HLCS: variants seen among roughly 807,000 people sequenced by gnomAD.
HLCS encodes the protein holocarboxylase synthetase.
Under a neutral mutation model 75.0 loss-of-function variants are expected in HLCS, and 53 were observed. The ratio of observed to expected loss-of-function variants is 0.71; its 90% CI spans 0.57 to 0.89. The LOEUF (loss-of-function observed/expected upper bound fraction) is 0.89, where lower values mean the gene tolerates loss of function less well. Among genes scored for constraint, HLCS ranks in the 40% least tolerant of loss-of-function variants. The pLI is 0.00. For missense variants in HLCS, 966 were observed against 1,074.0 expected (o/e 0.90, Z 1.41); for synonymous variants, 431 against 428.6 (o/e 1.01, Z -0.07).
In HLCS at chr21:36,777,121, T is replaced by C. The variant is rs1013710171; in HGVS notation, c.1893-9836A>G. On this transcript the variant is annotated intron_variant, in intron 6 of 10. Transcript: ENST00000674895. Reference sequence around the variant, plus strand: ...CCACAGCTCACTGCTTCTGTTAGGGTTCGTGCTTTGTGCTGTACATTCTGT... The same window carrying C: ...CCACAGCTCACTGCTTCTGTTAGGGCTCGTGCTTTGTGCTGTACATTCTGT... Among the ~76,000 whole-genome samples, 4 of 152,304 alleles carry C rather than the reference T, an allele frequency of 2.6e-5. No homozygotes were observed. In the South Asian group the frequency reaches 6.2e-4, roughly 24 times the overall value.
At chr21:36,876,351 G>A (rs182007233) in intron 6 of HLCS, among the ~76,000 whole-genome samples, 11 of 152,260 alleles carry the variant, frequency 7.2e-5, no homozygotes, top group Non-Finnish European at 1.0e-4. Context: ...AATACCTGCC[G>A]TGATTTTGAT....
rs9984754 is a variant in HLCS at position 36,889,185 on chromosome 21, C to T, written c.1892+7675G>A. On this transcript the variant is annotated intron_variant, in intron 6 of 10. Coordinates refer to ENST00000674895, the MANE Select transcript of HLCS (RefSeq NM_001352514.2). ...AGCCTGAAACATCAAGGGACTCAAA[C>T]GGTGACAAATGAGAAATCAGCTTAT... 6.1e-3 allele frequency among the ~76,000 whole-genome samples: 924 copies of T among 152,276 alleles called. 6 individuals carry two copies. Among genetic ancestry groups the T allele is most frequent in the African/African-American group, 0.012 (509 of 41,554 alleles).
intron 2 of HLCS, among the ~76,000 whole-genome samples, chr21:36,957,208 T>G (rs955061379): frequency 1.3e-5 from 2 of 152,134 alleles, no homozygotes; most frequent in Non-Finnish European, 2.9e-5. Flanking sequence ...TCATGAATAG[T>G]GTGGTGCTGT....
At chr21:36,810,208 G>A (rs772603314) in intron 6 of HLCS, among the ~76,000 whole-genome samples, 38 of 152,212 alleles carry the variant, frequency 2.5e-4, no homozygotes, top group Admixed American at 7.9e-4. Flanking sequence ...TCCCAGATGT[G>A]AGGAAGGTTA....
At chr21:36,971,539 C>T (rs914720036), upstream of HLCS, among the ~76,000 whole-genome samples, 1 of 152,066 alleles carries the variant, frequency 6.6e-6, no homozygotes, top group Non-Finnish European at 1.5e-5. Flanking sequence ...ACCCAATTTT[C>T]AAGAGCCGGC....
chr21:36,787,490 G>C (rs1479565202), intron 6 of HLCS, among the ~76,000 whole-genome samples: 1 of 152,168 alleles, frequency 6.6e-6, no homozygotes, highest in Non-Finnish European at 1.5e-5. Flanking sequence ...ACTGCCCAGG[G>C]CCCCTAGGGA....
intron 6 of HLCS, among the ~76,000 whole-genome samples, chr21:36,859,638 C>T (rs2063317870): frequency 6.6e-6 from 1 of 152,236 alleles, no homozygotes; most frequent in African/African-American, 2.4e-5. Flanking sequence ...AGTGGCCTTG[C>T]TGCACAGAGC....
intron 6 of HLCS, among the ~76,000 whole-genome samples, chr21:36,852,575 G>A (rs953401681): frequency 6.6e-6 from 1 of 152,166 alleles, no homozygotes; most frequent in Admixed American, 6.5e-5. Flanking sequence ...CCAAATGAAA[G>A]CAGTAAGGAA....
intron 5 of HLCS, among the ~76,000 whole-genome samples, chr21:36,921,230 A>G (rs781146485): frequency 3.8e-4 from 58 of 152,196 alleles, no homozygotes; most frequent in Non-Finnish European, 5.6e-4. Flanking sequence ...GCGGATCACA[A>G]GGTCAGGAGT....
intron 6 of HLCS, among the ~76,000 whole-genome samples, chr21:36,786,778 G>C (rs957245446): frequency 2.0e-5 from 3 of 152,184 alleles, no homozygotes; most frequent in African/African-American, 7.2e-5. Flanking sequence ...TGACATATTA[G>C]CTATATGGGA....
At position 36,759,948 on chromosome 21, in the gene HLCS, G is replaced by A. The variant is rs74993434; in HGVS notation, c.2122-107C>T. The A allele has an allele frequency of 4.3e-3, 3,320 of 771,812 alleles. 72 individuals are homozygous for A. The African/African-American group carries it at 0.047, about 11-fold the overall frequency. 47.8% of individuals were successfully genotyped at this position (771,812 alleles called of 1,614,324 possible). A position where few individuals can be genotyped will look rare whatever the true frequency, so the allele number is the denominator to read the frequency against. ...CAGAAACCAAGGTAACATGGGCCTC[G>A]TCCTCTCCTCTTTTTCAGGCAGCTA... is the stretch of plus-strand genomic sequence containing the variant. On this transcript the variant is annotated intron_variant, in intron 8 of 10. Transcript: ENST00000674895.
chr21:36,955,759 G>A (rs576413508), intron 2 of HLCS, among the ~76,000 whole-genome samples: 13 of 152,250 alleles, frequency 8.5e-5, no homozygotes, highest in Admixed American at 6.5e-5. Flanking sequence ...ACATTCACAC[G>A]CCACTCACTC....
intron 2 of HLCS, among the ~76,000 whole-genome samples, chr21:36,954,072 G>A (rs996145212): frequency 1.3e-5 from 2 of 152,148 alleles, no homozygotes; most frequent in Non-Finnish European, 2.9e-5. Flanking sequence ...TTGGGAGGCC[G>A]AGGAGGGTGG....
intron 5 of HLCS, among the ~76,000 whole-genome samples, chr21:36,902,541 C>T (rs1034174734): frequency 1.3e-5 from 2 of 152,254 alleles, no homozygotes; most frequent in African/African-American, 4.8e-5. Context: ...TGCTCCCACC[C>T]TGCTCCACAG....
intron 6 of HLCS, among the ~76,000 whole-genome samples, chr21:36,786,721 G>T (rs971089317): frequency 2.0e-5 from 3 of 152,208 alleles, no homozygotes; most frequent in African/African-American, 7.2e-5. Flanking sequence ...AGAGTCAGTG[G>T]AGTCTTTAAT....
chr21:36,954,961 C>T (rs2067860724), intron 2 of HLCS, among the ~76,000 whole-genome samples: 1 of 152,132 alleles, frequency 6.6e-6, no homozygotes, highest in Admixed American at 6.5e-5. Context: ...ACTTGGGAGG[C>T]TGAGGCAGGA....
chr21:36,971,002 AAAAAGAAAG>A (rs760771297), upstream of HLCS, among the ~76,000 whole-genome samples: 84 of 136,816 alleles, frequency 6.1e-4, no homozygotes, highest in Non-Finnish European at 1.3e-3. Context: ...TCAAAAAAAA[AAAAAGAAAG>A]AAAAGAAAAT....
intron 1 of HLCS, among the ~76,000 whole-genome samples, chr21:36,965,369 T>G (rs1208544092): frequency 6.6e-6 from 1 of 152,206 alleles, no homozygotes; most frequent in African/African-American, 2.4e-5. Flanking sequence ...GTCCATGAAA[T>G]TTTGTGCAGT....
At chr21:36,764,907 C>A (rs1343744346) in intron 8 of HLCS, 105 bp downstream of exon 8, 1 of 1,278,440 alleles carries the variant, frequency 7.8e-7, no homozygotes, top group Non-Finnish European at 1.1e-6. Context: ...AAAGGGTAGG[C>A]TGAGGTTCTA....
Sources: allele counts gnomAD v4.1 joint callset (sites outside exome capture counted in the v4.1 genomes callset), GRCh38; gene constraint gnomAD v4.1.1; transcripts MANE v1.5; gene names NCBI Gene and HGNC (gene_info 2026-07-23, HGNC 2026-07-21).